Variants in CADM2 observed in about 807,000 individuals in gnomAD.
CADM2 encodes the protein immunoglobulin superfamily member 4D.
CADM2 carries 12 observed loss-of-function variants against 49.8 expected under a neutral mutation model. The ratio of observed to expected loss-of-function variants is 0.24; its 90% CI spans 0.15 to 0.39. The LOEUF (loss-of-function observed/expected upper bound fraction) is 0.39, where lower values mean the gene tolerates loss of function less well. Among genes scored for constraint, CADM2 ranks in the 10% least tolerant of loss-of-function variants. The pLI is 1.00. For missense variants in CADM2, 378 were observed against 492.3 expected, an observed-to-expected ratio of 0.77 and a Z score of 2.20; for synonymous variants, 214 against 175.4, an observed-to-expected ratio of 1.22 and a Z score of -1.74.
intron 6 of CADM2, among the ~76,000 whole-genome samples, chr3:85,922,143 T>C (rs1328836500): frequency 6.6e-6 from 1 of 151,984 alleles, no homozygotes; most frequent in African/African-American, 2.4e-5. Context: ...CTTTTGCTTC[T>C]TTTCTTTCTT....
intron 1 of CADM2, among the ~76,000 whole-genome samples, chr3:85,141,395 G>A (rs1164565248): frequency 6.6e-6 from 1 of 152,142 alleles, no homozygotes; most frequent in Non-Finnish European, 1.5e-5. Context: ...AACAGGGTGT[G>A]GCATATGGGA....
chr3:85,089,136 T>A (rs1052966741), intron 1 of CADM2, among the ~76,000 whole-genome samples: 11 of 152,086 alleles, frequency 7.2e-5, no homozygotes, highest in African/African-American at 2.7e-4. Flanking sequence ...GTATTTAGAG[T>A]CTTCTACCTA....
At chr3:85,940,477 A>G (rs1721757783) in intron 7 of CADM2, among the ~76,000 whole-genome samples, 1 of 152,168 alleles carries the variant, frequency 6.6e-6, no homozygotes, top group Non-Finnish European at 1.5e-5. Context: ...TAAACTACGA[A>G]TCAAAGAAAG....
intron 1 of CADM2, among the ~76,000 whole-genome samples, chr3:85,635,721 A>G (rs1219304825): frequency 1.3e-5 from 2 of 152,172 alleles, no homozygotes; most frequent in Non-Finnish European, 2.9e-5. Flanking sequence ...TATATACACT[A>G]ATTTATGTAT....
intron 3 of CADM2, among the ~76,000 whole-genome samples, chr3:85,815,985 TAAC>T (rs2073178956): frequency 6.6e-6 from 1 of 152,166 alleles, no homozygotes; most frequent in Admixed American, 6.6e-5. Flanking sequence ...AAGAAAATCT[TAAC>T]AATATCAAAA....
intron 1 of CADM2, among the ~76,000 whole-genome samples, chr3:85,665,290 C>T (rs57885949): frequency 0.15 from 22,851 of 151,572 alleles, 1,837 homozygotes; most frequent in African/African-American, 0.19. Context: ...TTATGTAAGA[C>T]GAATTTAATT....
chr3:85,119,048 C>A (rs2038750628), intron 1 of CADM2, among the ~76,000 whole-genome samples: 3 of 152,204 alleles, frequency 2.0e-5, no homozygotes, highest in African/African-American at 4.8e-5. Flanking sequence ...CACACCCAGC[C>A]TGTCCATTTA....
intron 1 of CADM2, among the ~76,000 whole-genome samples, chr3:85,530,915 A>ACACAC (rs1553737337): frequency 1.3e-4 from 13 of 102,482 alleles, no homozygotes; most frequent in African/African-American, 3.7e-4. Flanking sequence ...CACACACACA[A>ACACAC]AATTCATTAT....
chr3:86,011,147 T>C (rs1044146096), intron 8 of CADM2, among the ~76,000 whole-genome samples: 2 of 152,176 alleles, frequency 1.3e-5, no homozygotes, highest in Admixed American at 1.3e-4. Flanking sequence ...AGCAAAGTCT[T>C]ATAAAGACAG....
intron 8 of CADM2, among the ~76,000 whole-genome samples, chr3:86,018,939 T>G (rs1732722856): frequency 6.8e-6 from 1 of 147,284 alleles, no homozygotes; most frequent in Non-Finnish European, 1.5e-5. Context: ...GTTTTAGACA[T>G]GAAGTCCTTG....
chr3:85,509,676 G>A (rs1343434027), intron 1 of CADM2, among the ~76,000 whole-genome samples: 1 of 152,058 alleles, frequency 6.6e-6, no homozygotes, highest in African/African-American at 2.4e-5. Context: ...TTACAGAAAA[G>A]CATTGTGAGA....
chr3:85,926,524 G>A (rs1327922730), intron 6 of CADM2, among the ~76,000 whole-genome samples: 1 of 152,092 alleles, frequency 6.6e-6, no homozygotes, highest in East Asian at 1.9e-4. Flanking sequence ...CTTTATATGA[G>A]TGTTACCTAA....
intron 1 of CADM2, among the ~76,000 whole-genome samples, chr3:85,274,791 T>A (rs1170222578): frequency 2.0e-5 from 3 of 151,480 alleles, no homozygotes; most frequent in Non-Finnish European, 4.4e-5. Flanking sequence ...ATTAAATATG[T>A]AATTACACAA....
chr3:85,480,981 TA>T (rs1450635795), intron 1 of CADM2, among the ~76,000 whole-genome samples: 1 of 151,694 alleles, frequency 6.6e-6, no homozygotes, highest in African/African-American at 2.4e-5. Context: ...TCAGAAAGCA[TA>T]AGCATTAAAT....
At chr3:85,830,333 C>G (rs150231150) in intron 3 of CADM2, among the ~76,000 whole-genome samples, 1 of 151,908 alleles carries the variant, frequency 6.6e-6, no homozygotes, top group African/African-American at 2.4e-5. Flanking sequence ...GGAAAAATTT[C>G]TATTCAGGTC....
intron 1 of CADM2, among the ~76,000 whole-genome samples, chr3:85,042,161 CA>C (rs2035467904): frequency 6.6e-6 from 1 of 152,124 alleles, no homozygotes; most frequent in Admixed American, 6.6e-5. Flanking sequence ...AATGCATACT[CA>C]GGGGTGTGTT....
At chr3:85,328,656 G>A (rs770116352) in intron 1 of CADM2, among the ~76,000 whole-genome samples, 12 of 152,106 alleles carry the variant, frequency 7.9e-5, no homozygotes, top group Non-Finnish European at 1.5e-4. Flanking sequence ...AATTTTGGAT[G>A]TTGCAAGCTC....
intron 1 of CADM2, among the ~76,000 whole-genome samples, chr3:85,358,734 T>C (rs1559798585): frequency 6.6e-6 from 1 of 152,158 alleles, no homozygotes; most frequent in African/African-American, 2.4e-5. Context: ...GAAATACTTA[T>C]TATGAAGACG....
intron 1 of CADM2, among the ~76,000 whole-genome samples, chr3:85,705,281 G>A (rs1398523681): frequency 6.6e-6 from 1 of 150,706 alleles, no homozygotes; most frequent in Non-Finnish European, 1.5e-5. Flanking sequence ...GATGACTTGG[G>A]ACTCTCTCCC....
Sources: allele counts gnomAD v4.1 joint callset (sites outside exome capture counted in the v4.1 genomes callset), GRCh38; gene constraint gnomAD v4.1.1; transcripts MANE v1.5; gene names NCBI Gene and HGNC (gene_info 2026-07-23, HGNC 2026-07-21).